The following ACER3 variants were observed in gnomAD, a reference collection of about 807,000 sequenced individuals.
ACER3 encodes the protein alkCDase 3.
In ACER3, 16 loss-of-function variants were observed where a neutral mutation model predicts 48.9. The observed-to-expected ratio is 0.33, with a 90% CI of 0.22 to 0.50. ACER3 has a LOEUF of 0.50. ACER3 is among the 20% of genes least tolerant of loss of function. The pLI, the probability that ACER3 is intolerant of heterozygous loss-of-function variation, is 0.98. For synonymous variants in ACER3, 109 were observed against 107.8 expected (o/e 1.01, Z -0.07); for missense variants, 227 against 326.0 (o/e 0.70, Z 2.34).
intron 9 of ACER3, among the ~76,000 whole-genome samples, chr11:77,018,662 GAC>G (rs1239682444): frequency 6.6e-6 from 1 of 152,234 alleles, no homozygotes; most frequent in East Asian, 1.9e-4. Context: ...TAGTGAAAGT[GAC>G]ACAGCCTTAT....
intron 6 of ACER3, 87 bp downstream of exon 6, chr11:76,990,661 T>TA: frequency 2.1e-6 from 2 of 930,410 alleles, no homozygotes; most frequent in Middle Eastern, 3.3e-4. Context: ...GATATGCAGA[T>TA]AAAAATTTTT....
At chr11:76,946,150 G>C (rs1947467626) in intron 2 of ACER3, among the ~76,000 whole-genome samples, 1 of 152,184 alleles carries the variant, frequency 6.6e-6, no homozygotes, top group Non-Finnish European at 1.5e-5. Flanking sequence ...GCAGAGCAGT[G>C]GGTATTATCC....
chr11:76,942,108 A>G (rs1947356077), intron 2 of ACER3, among the ~76,000 whole-genome samples: 2 of 152,038 alleles, frequency 1.3e-5, no homozygotes, highest in Admixed American at 1.3e-4. Context: ...TTATATAGTC[A>G]GCAAACAGGG....
At chr11:76,968,756 C>T (rs1459532506) in intron 3 of ACER3, among the ~76,000 whole-genome samples, 1 of 152,196 alleles carries the variant, frequency 6.6e-6, no homozygotes, top group Non-Finnish European at 1.5e-5. Context: ...AAAGCTGAAA[C>T]TGGATCCCTT....
At chr11:76,916,992 A>T (rs538036823) in intron 1 of ACER3, among the ~76,000 whole-genome samples, 1 of 152,264 alleles carries the variant, frequency 6.6e-6, no homozygotes, top group East Asian at 1.9e-4. Context: ...GCCGTATCTG[A>T]TATGGAGCTC....
intron 2 of ACER3, among the ~76,000 whole-genome samples, chr11:76,928,025 G>A (rs1170456325): frequency 2.0e-5 from 3 of 152,246 alleles, no homozygotes; most frequent in South Asian, 2.1e-4. Flanking sequence ...AGATCCTCAA[G>A]GAATCGCCAC....
At chr11:76,996,580 G>C (rs1948915778) in intron 6 of ACER3, among the ~76,000 whole-genome samples, 1 of 151,762 alleles carries the variant, frequency 6.6e-6, no homozygotes, top group Non-Finnish European at 1.5e-5. Flanking sequence ...ACCACACTCA[G>C]CTAATTTTTT....
At chr11:76,965,756 G>A (rs1948120498) in intron 3 of ACER3, among the ~76,000 whole-genome samples, 1 of 151,150 alleles carries the variant, frequency 6.6e-6, no homozygotes, top group Non-Finnish European at 1.5e-5. Context: ...ACAAGCAAAT[G>A]CTGAGAGATT....
chr11:76,969,096 A>G (rs1948221948), intron 3 of ACER3, among the ~76,000 whole-genome samples: 1 of 152,232 alleles, frequency 6.6e-6, no homozygotes, highest in Admixed American at 6.5e-5. Flanking sequence ...CAAATTTACA[A>G]GAAAAAAACA....
intron 2 of ACER3, among the ~76,000 whole-genome samples, chr11:76,952,550 G>A (rs898452532): frequency 3.3e-5 from 5 of 151,420 alleles, no homozygotes; most frequent in Non-Finnish European, 5.9e-5. Flanking sequence ...AAGCCACTGC[G>A]CCCAGCTACT....
intron 1 of ACER3, among the ~76,000 whole-genome samples, chr11:76,909,867 A>G (rs1946325101): frequency 1.3e-5 from 2 of 152,186 alleles, no homozygotes. Context: ...CTTGGAACCA[A>G]CCCAGATGCC....
intron 1 of ACER3, among the ~76,000 whole-genome samples, chr11:76,920,449 T>C (rs1450825211): frequency 6.6e-6 from 1 of 152,140 alleles, no homozygotes; most frequent in Non-Finnish European, 1.5e-5. Context: ...CATCTCAGCC[T>C]TGGGGAAACC....
chr11:76,986,863 C>A (rs1411289011), intron 5 of ACER3, among the ~76,000 whole-genome samples: 2 of 152,084 alleles, frequency 1.3e-5, no homozygotes, highest in South Asian at 4.1e-4. Flanking sequence ...GTCAGGAGTT[C>A]ATGACCAGCC....
chr11:76,897,607 G>A (rs1042909669), intron 1 of ACER3, among the ~76,000 whole-genome samples: 2 of 152,028 alleles, frequency 1.3e-5, no homozygotes, highest in Non-Finnish European at 2.9e-5. Context: ...TTAAGTATTG[G>A]GAAGCTGTCA....
intron 8 of ACER3, among the ~76,000 whole-genome samples, chr11:77,015,794 T>C (rs1254536070): frequency 6.6e-6 from 1 of 152,142 alleles, no homozygotes; most frequent in Non-Finnish European, 1.5e-5. Flanking sequence ...ATGAATGACC[T>C]GGTCTCTTCG....
At chr11:76,945,190 T>C (rs1361041110) in intron 2 of ACER3, among the ~76,000 whole-genome samples, 1 of 152,124 alleles carries the variant, frequency 6.6e-6, no homozygotes, top group Non-Finnish European at 1.5e-5. Flanking sequence ...AAAATCAATA[T>C]TTTGAATTTT....
At chr11:76,905,288 T>C (rs924343295) in intron 1 of ACER3, among the ~76,000 whole-genome samples, 2 of 152,254 alleles carry the variant, frequency 1.3e-5, no homozygotes, top group African/African-American at 4.8e-5. Context: ...TCTACATTTC[T>C]CTATCAAAAG....
At chr11:76,882,419 G>GAAT (rs919142446) in intron 1 of ACER3, among the ~76,000 whole-genome samples, 1 of 152,114 alleles carries the variant, frequency 6.6e-6, no homozygotes, top group African/African-American at 2.4e-5. Flanking sequence ...TCCATCTGGT[G>GAAT]AATAATTTAT....
intron 3 of ACER3, among the ~76,000 whole-genome samples, chr11:76,965,658 A>G (rs1002232311): frequency 1.3e-5 from 2 of 151,302 alleles, no homozygotes; most frequent in African/African-American, 4.9e-5. Flanking sequence ...AATATTCAAC[A>G]TTCTTAAAGG....
Sources: gnomAD v4.1 joint callset for allele counts (sites outside exome capture counted in the v4.1 genomes callset) on GRCh38, gnomAD v4.1.1 for gene constraint, MANE v1.5 for transcripts, NCBI Gene and HGNC (gene_info 2026-07-23, HGNC 2026-07-21) for gene names.